The following OTOGL variants were observed in gnomAD, a reference collection of about 807,000 sequenced individuals.
OTOGL encodes the protein otogelin like.
In OTOGL, 285 loss-of-function variants were observed where a neutral mutation model predicts 318.5. The ratio of observed to expected loss-of-function variants is 0.89; its 90% CI spans 0.81 to 0.99. OTOGL has a LOEUF of 0.99. Ranked by LOEUF, OTOGL falls within the 50% of genes least tolerant of loss-of-function variation. The pLI is 0.00. For synonymous variants in OTOGL, 987 were observed against 936.5 expected, an observed-to-expected ratio of 1.05 and a Z score of -0.99; for missense variants, 2,899 against 2,845.6, an observed-to-expected ratio of 1.02 and a Z score of -0.43.
intron 1 of OTOGL, among the ~76,000 whole-genome samples, chr12:80,178,295 A>G (rs565942025): frequency 6.6e-6 from 1 of 151,646 alleles, no homozygotes; most frequent in Admixed American, 6.6e-5. Context: ...TCCTGACCTC[A>G]AGTGATCCGC....
At chr12:80,364,655 G>A (rs1021239998) in intron 52 of OTOGL, among the ~76,000 whole-genome samples, 16 of 152,024 alleles carry the variant, frequency 1.1e-4, no homozygotes, top group African/African-American at 2.2e-4. Context: ...TTCCTATAAA[G>A]AGAATTGTAT....
chr12:80,305,440 A>G, intron 28 of OTOGL, 136 bp from the exon 29 acceptor site: 1 of 832,352 alleles, frequency 1.2e-6, no homozygotes, highest in Non-Finnish European at 1.6e-6. Context: ...CACTTTCTTC[A>G]AGTTAATTTT....
In OTOGL at chr12:80,342,047, T is replaced by C. The variant is rs770812002; in HGVS notation, c.5150T>C (p.Ile1717Thr). The change falls in exon 44 of 59, where the codon ATT becomes ACT. Residue 1717 changes from isoleucine to threonine, a missense_variant. Physicochemically the swap from Ile to Thr is moderately conservative, Grantham distance 89 (BLOSUM62 -1). Transcript: ENST00000547103. ...GGATTATTTATTGAGAGCTGGGAAA[T>C]TGAGAAATCATTTGAAGTAACAATG... is the stretch of plus-strand genomic sequence containing the variant. ...DIGLFIESWE[I>T]EKSFEVTMRR... 1.3e-5 allele frequency: 21 copies of C among 1,607,808 alleles called. No individual in the cohort carries two copies. Among genetic ancestry groups the C allele is most frequent in the Admixed American group, 1.0e-4 (6 of 59,462 alleles).
chr12:80,375,679 A>G (rs965557164), intron 57 of OTOGL, among the ~76,000 whole-genome samples: 1 of 152,122 alleles, frequency 6.6e-6, no homozygotes, highest in African/African-American at 2.4e-5. Context: ...AAATGTGGCT[A>G]TTGCACGGAA....
At chr12:80,276,273 G>A (rs1883798242) in intron 24 of OTOGL, among the ~76,000 whole-genome samples, 1 of 151,606 alleles carries the variant, frequency 6.6e-6, no homozygotes, top group South Asian at 2.1e-4. Flanking sequence ...TAGGAATGGG[G>A]GGTACTAAAA....
intron 17 of OTOGL, 24 bp from the exon 18 acceptor site, chr12:80,257,800 AT>A: frequency 6.5e-7 from 1 of 1,527,002 alleles, no homozygotes; most frequent in South Asian, 1.2e-5. Flanking sequence ...GTCAAAGCTG[AT>A]TTACGTATGT....
At chr12:80,370,260 A>T (rs534435925) in intron 55 of OTOGL, among the ~76,000 whole-genome samples, 21 of 152,040 alleles carry the variant, frequency 1.4e-4, no homozygotes, top group South Asian at 4.1e-4. Context: ...AGAAACAGAT[A>T]CCTATTTGCT....
intron 26 of OTOGL, among the ~76,000 whole-genome samples, chr12:80,282,578 C>T (rs1057351356): frequency 5.3e-5 from 8 of 151,022 alleles, no homozygotes; most frequent in Non-Finnish European, 7.4e-5. Context: ...TCGGAGCCTA[C>T]GGAAGGCACA....
intron 26 of OTOGL, among the ~76,000 whole-genome samples, chr12:80,292,455 T>C (rs1266034040): frequency 1.3e-5 from 2 of 152,196 alleles, no homozygotes; most frequent in African/African-American, 2.4e-5. Flanking sequence ...TGCCCTCCAG[T>C]GAGAATCCCA....
intron 26 of OTOGL, among the ~76,000 whole-genome samples, chr12:80,290,574 C>T (rs1256826409): frequency 6.6e-6 from 1 of 152,056 alleles, no homozygotes; most frequent in Non-Finnish European, 1.5e-5. Flanking sequence ...GACATGTTCC[C>T]ATTGGATATA....
At chr12:80,310,866 TGTTA>T (rs1267043722) in intron 30 of OTOGL, 139 bp downstream of exon 30, 5 of 611,998 alleles carry the variant, frequency 8.2e-6, no homozygotes, top group Admixed American at 7.1e-5. Context: ...GGGGCATATG[TGTTA>T]GTTTGTTTTT....
intron 4 of OTOGL, among the ~76,000 whole-genome samples, chr12:80,212,364 G>A (rs929978495): frequency 9.9e-5 from 15 of 152,076 alleles, no homozygotes; most frequent in African/African-American, 2.9e-4. Context: ...AAAAGGGGCC[G>A]AAAAATGTGT....
chr12:80,229,693 TAA>T (rs1210479601), intron 8 of OTOGL, among the ~76,000 whole-genome samples: 2 of 152,116 alleles, frequency 1.3e-5, no homozygotes, highest in African/African-American at 4.8e-5. Context: ...AAGAGTATCT[TAA>T]GAGTTCAACT....
chr12:80,331,333 AT>A (rs386377119), intron 37 of OTOGL, among the ~76,000 whole-genome samples: 4,692 of 81,640 alleles, frequency 0.057, 51 homozygotes, highest in Admixed American at 0.1. Flanking sequence ...AGTCATTAGA[AT>A]TTTTTTTTTT....
At chr12:80,315,261 T>C (rs969428364) in intron 32 of OTOGL, among the ~76,000 whole-genome samples, 3 of 152,200 alleles carry the variant, frequency 2.0e-5, no homozygotes, top group Admixed American at 1.3e-4. Context: ...GAATTTATTT[T>C]GCCATCATTG....
intron 7 of OTOGL, among the ~76,000 whole-genome samples, chr12:80,226,521 C>T (rs758841447): frequency 1.3e-5 from 2 of 152,026 alleles, no homozygotes; most frequent in Non-Finnish European, 2.9e-5. Flanking sequence ...TGAGACAATC[C>T]TTCCTCAGTT....
intron 27 of OTOGL, among the ~76,000 whole-genome samples, chr12:80,301,615 T>A (rs1438053913): frequency 6.6e-6 from 1 of 152,222 alleles, no homozygotes; most frequent in Non-Finnish European, 1.5e-5. Flanking sequence ...TTCTTCTCCA[T>A]TCTCATTCCC....
At chr12:80,344,079 A>T (rs1039838527) in intron 44 of OTOGL, among the ~76,000 whole-genome samples, 8 of 152,178 alleles carry the variant, frequency 5.3e-5, no homozygotes, top group African/African-American at 1.9e-4. Context: ...GATAAAAATG[A>T]CATATCTTTG....
chr12:80,164,338 T>A (rs1268794264), intron 1 of OTOGL, among the ~76,000 whole-genome samples: 1 of 152,162 alleles, frequency 6.6e-6, no homozygotes, highest in African/African-American at 2.4e-5. Context: ...TTTGTTTAAA[T>A]GTTTGTGCTG....
Sources: allele counts gnomAD v4.1 joint callset (sites outside exome capture counted in the v4.1 genomes callset), GRCh38; gene constraint gnomAD v4.1.1; transcripts MANE v1.5; gene names NCBI Gene and HGNC (gene_info 2026-07-23, HGNC 2026-07-21).